PUM3: variants seen among roughly 807,000 people sequenced by gnomAD.
PUM3 encodes the protein pumilio homolog 3.
In PUM3, 91 loss-of-function variants were observed where a neutral mutation model predicts 84.0. The observed-to-expected ratio is 1.08, with a 90% CI of 0.91 to 1.29. The LOEUF (loss-of-function observed/expected upper bound fraction) is 1.29, where lower values mean the gene tolerates loss of function less well. Among genes scored for constraint, PUM3 ranks in the 50% most tolerant of loss-of-function variants. The pLI, the probability that PUM3 is intolerant of heterozygous loss-of-function variation, is 0.00. For missense variants in PUM3, 1,067 were observed against 767.5 expected, an observed-to-expected ratio of 1.39 and a Z score of -4.61; for synonymous variants, 321 against 266.7, an observed-to-expected ratio of 1.20 and a Z score of -1.98.
At chr9:2,822,079 CA>C (rs1467098458) in intron 12 of PUM3, among the ~76,000 whole-genome samples, 1 of 152,120 alleles carries the variant, frequency 6.6e-6, no homozygotes, top group Non-Finnish European at 1.5e-5. Flanking sequence ...CATAACCAAG[CA>C]TAAAATATTT....
At chr9:2,824,207 T>TA (rs766722017) in intron 11 of PUM3, among the ~76,000 whole-genome samples, 13 of 152,268 alleles carry the variant, frequency 8.5e-5, no homozygotes, top group Non-Finnish European at 1.9e-4. Context: ...AAATTTGCAT[T>TA]AAAAAAAGTA....
chr9:2,826,159 T>G (rs1815814809), intron 10 of PUM3, among the ~76,000 whole-genome samples: 1 of 152,084 alleles, frequency 6.6e-6, no homozygotes, highest in African/African-American at 2.4e-5. Flanking sequence ...ACAATTTGTC[T>G]CATTACTTTA....
At chr9:2,837,514 C>G in intron 2 of PUM3, 113 bp from the exon 3 acceptor site, 1 of 668,818 alleles carries the variant, frequency 1.5e-6, no homozygotes, top group Admixed American at 3.0e-5. Flanking sequence ...CCATGTCTTA[C>G]TCTCAAATAT....
At chr9:2,821,907 C>T (rs1815650596) in intron 12 of PUM3, among the ~76,000 whole-genome samples, 1 of 151,966 alleles carries the variant, frequency 6.6e-6, no homozygotes, top group African/African-American at 2.4e-5. Flanking sequence ...TATAGGCACA[C>T]GATGAAATAT....
intron 10 of PUM3, among the ~76,000 whole-genome samples, chr9:2,825,313 A>C (rs1016966582): frequency 6.6e-6 from 1 of 152,200 alleles, no homozygotes; most frequent in Non-Finnish European, 1.5e-5. Context: ...ATTCTTTACC[A>C]TAAACACGCT....
At chr9:2,821,582 G>A (rs1039169984) in intron 12 of PUM3, among the ~76,000 whole-genome samples, 19 of 152,062 alleles carry the variant, frequency 1.2e-4, no homozygotes, top group Non-Finnish European at 5.9e-5. Context: ...TTTATCCTAT[G>A]GGTGATGGTG....
chr9:2,837,244 G>C lies in PUM3; in HGVS notation c.240C>G (p.Asn80Lys). ...NKQQGDKSPK[N>K]KFQPANKFNK... The stretch of plus-strand genomic sequence containing the variant: ...TGAATTTATTTGCCGGCTGGAATTT[G>C]TTCTTTGGTGATTTGTCCCCTTGCT... The change falls in exon 3 of 18, where the codon AAC becomes AAG. Residue 80 changes from asparagine (N) to lysine (K), a missense_variant. Transcript: ENST00000397885. 6.2e-7 allele frequency: 1 copy of C among 1,614,048 alleles called. No individual in the cohort carries two copies. The highest frequency in any genetic ancestry group is 8.5e-7 in the Non-Finnish European group (1 of 1,179,948).
chr9:2,825,520 T>C (rs1815792950), intron 10 of PUM3, among the ~76,000 whole-genome samples: 1 of 152,072 alleles, frequency 6.6e-6, no homozygotes, highest in African/African-American at 2.4e-5. Flanking sequence ...TCTTGCTCTG[T>C]CACCCAGGCT....
chr9:2,824,893 G>T (rs1258994452), intron 10 of PUM3, 78 bp from the exon 11 acceptor site: 2 of 963,442 alleles, frequency 2.1e-6, no homozygotes, highest in East Asian at 6.1e-5. Context: ...TGTCTACAGG[G>T]GGCAGTTATG....
chr9:2,819,394 T>G (rs988825257), intron 13 of PUM3, among the ~76,000 whole-genome samples: 1 of 152,222 alleles, frequency 6.6e-6, no homozygotes, highest in African/African-American at 2.4e-5. Context: ...TTATGGCCAC[T>G]ACACTGGACT....
rs781108927 is a variant in PUM3 at position 2,837,357 on chromosome 9, CT to C, written c.126del (p.Glu43LysfsTer23). The stretch of plus-strand genomic sequence containing the variant: ...CTAGATGTGACTTTAGGTCCACCTT[CT>C]TTAGCAACTTTCCTTGTTGGAAATG... ...SKTFPTRKVA[K>X]EGGPKVTSRN... On this transcript the variant is annotated frameshift_variant, in exon 3 of 18. Transcript: ENST00000397885. LOFTEE classifies it high-confidence loss of function. The C allele has an allele frequency of 1.2e-6, 2 of 1,613,818 alleles. No individual in the cohort carries two copies. Among genetic ancestry groups the C allele is most frequent in the South Asian group, 1.1e-5 (1 of 91,016 alleles).
intron 5 of PUM3, 31 bp from the exon 6 acceptor site, chr9:2,831,375 C>A: frequency 7.5e-7 from 1 of 1,338,600 alleles, no homozygotes; most frequent in South Asian, 1.2e-5. Flanking sequence ...TAGACTAATT[C>A]TCTTTTGAGA....
At chr9:2,833,868 G>A (rs138300516) in intron 4 of PUM3, among the ~76,000 whole-genome samples, 163 bp downstream of exon 4, 3 of 152,204 alleles carry the variant, frequency 2.0e-5, no homozygotes, top group African/African-American at 7.2e-5. Context: ...TTCTGTGACG[G>A]GCAGACTTCC....
At position 2,804,244 on chromosome 9, in the gene PUM3, TG is replaced by T; in HGVS notation, c.*86del. ...ATACAGAGTACCCCAATTACCAGTA[TG>T]GTGGACCCTACCCCTTCTTTTCTGC... is the stretch of plus-strand genomic sequence containing the variant. On this transcript the variant is annotated 3_prime_UTR_variant, in exon 18 of 18. Transcript: ENST00000397885. The T allele has an allele frequency of 2.2e-6, 3 of 1,335,226 alleles. No individual in the cohort carries two copies. The highest frequency in any genetic ancestry group is 3.1e-6 in the Non-Finnish European group (3 of 963,572). The allele number at this position is 1,335,226 out of a possible 1,614,324, so 82.7% of individuals were successfully genotyped here. A position where few individuals can be genotyped will look rare whatever the true frequency, so the allele number is the denominator to read the frequency against.
chr9:2,811,432 C>A lies in PUM3; in HGVS notation c.1564G>T (p.Val522Phe). The A allele has an allele frequency of 6.2e-7, 1 of 1,614,156 alleles. No homozygotes were observed. The highest frequency in any genetic ancestry group is 8.5e-7 in the Non-Finnish European group (1 of 1,180,032). ...GCGATGGCATTCATGGTAGGCTGAA[C>A]GTCTCCAGTGGCAGATCCCAGAATG... is the stretch of plus-strand genomic sequence containing the variant. Reference protein sequence around the residue: ...SDILGSATGDVQPTMNAIASL... With the variant: ...SDILGSATGDFQPTMNAIASL... Residue 522 changes from valine to phenylalanine, a missense_variant, in exon 15 of 18, where the codon GTT becomes TTT. Physicochemically the swap from Val to Phe is conservative, Grantham distance 50. Transcript: ENST00000397885.
Position 2,820,004 on chromosome 9 carries a change from T to C in PUM3, c.1269+14A>G, listed in dbSNP as rs201128457. 1.7e-5 allele frequency: 26 copies of C among 1,554,244 alleles called. No homozygotes were observed. The highest frequency in any genetic ancestry group is 1.9e-5 in the Non-Finnish European group (21 of 1,127,350). On this transcript the variant is annotated intron_variant, in intron 13 of 17. Transcript: ENST00000397885. Reference sequence around the variant, plus strand: ...TCGATGTAACTTAAATTCAAGACCATCAGGATTACTTACTGATATGATTAT... The same window carrying C: ...TCGATGTAACTTAAATTCAAGACCACCAGGATTACTTACTGATATGATTAT...
At chr9:2,812,165 A>C in intron 14 of PUM3, 55 bp downstream of exon 14, 1 of 1,480,314 alleles carries the variant, frequency 6.8e-7, no homozygotes, top group East Asian at 2.3e-5. Context: ...GGAAGAATGC[A>C]CTACTCAACA....
At position 2,837,183 on chromosome 9, in the gene PUM3, C is replaced by T. The variant is rs562898502; in HGVS notation, c.301G>A (p.Asp101Asn). The T allele has an allele frequency of 1.7e-5, 27 of 1,613,776 alleles. No individual in the cohort carries two copies. In the East Asian group the frequency reaches 1.8e-4, roughly 11 times the overall value. The change falls in exon 3 of 18, where the codon GAT (aspartate) becomes AAT (asparagine). Residue 101 changes from aspartate (D) to asparagine (N), a missense_variant. Physicochemically the swap from Asp to Asn is conservative, Grantham distance 23. Transcript: ENST00000397885. ...KRKFQPDGRS[D>N]ESAAKKPKWD... ...GCATGAACGAACCAGTACTTACCAT[C>T]GCTTCTACCATCTGGCTGGAATTTT...
At chr9:2,832,847 A>T (rs986004395) in intron 5 of PUM3, among the ~76,000 whole-genome samples, 2 of 152,220 alleles carry the variant, frequency 1.3e-5, no homozygotes, top group African/African-American at 4.8e-5. Flanking sequence ...CCAAATACAC[A>T]AGAGTCACAG....
Sources: allele counts gnomAD v4.1 joint callset (sites outside exome capture counted in the v4.1 genomes callset), GRCh38; gene constraint gnomAD v4.1.1; transcripts MANE v1.5; gene names NCBI Gene and HGNC (gene_info 2026-07-23, HGNC 2026-07-21).